The following PRSS3 variants were observed in gnomAD, a reference collection of about 807,000 sequenced individuals.
PRSS3 encodes the protein serine protease 3, also known as trypsin-3.
PRSS3 carries 14 observed loss-of-function variants against 20.8 expected under a neutral mutation model. The ratio of observed to expected loss-of-function variants is 0.67; its 90% confidence interval spans 0.44 to 1.05. The LOEUF (loss-of-function observed/expected upper bound fraction) is 1.05. Ranked by LOEUF, PRSS3 falls within the 50% of genes least tolerant of loss-of-function variation. The pLI is 0.00. For synonymous variants in PRSS3, 91 were observed against 117.6 expected, an observed-to-expected ratio of 0.77 and a Z score of 1.46; for missense variants, 237 against 306.4, an observed-to-expected ratio of 0.77 and a Z score of 1.69.
Position 33,752,976 on chromosome 9 carries a change from C to T in PRSS3, c.-53+2249C>T, listed in dbSNP as rs531820567. On this transcript the variant is annotated intron_variant, in intron 1 of 5. Transcript: ENST00000342836. ...TAGAGCACAAGGCGATGTTTGTAAA[C>T]AGCACTGTTCAGGCAAGATTAGAAT... Among the ~76,000 whole-genome samples, 7 of 152,294 alleles carry T rather than the reference C, an allele frequency of 4.6e-5. No homozygotes were observed. In the South Asian group the frequency reaches 1.0e-3, roughly 23 times the overall value.
intron 1 of PRSS3, among the ~76,000 whole-genome samples, chr9:33,790,406 G>A (rs897478387): frequency 1.3e-5 from 2 of 152,070 alleles, no homozygotes; most frequent in Non-Finnish European, 2.9e-5. Flanking sequence ...ATATCCATAG[G>A]CTAGATGACA....
chr9:33,786,548 A>G, intron 1 of PRSS3: 3 of 765,956 alleles, frequency 3.9e-6, no homozygotes, highest in South Asian at 1.3e-5. Flanking sequence ...CAGTGCTGTC[A>G]TCTCTCAAAA....
At chr9:33,794,975 G>A, upstream of PRSS3, 1 of 1,463,814 alleles carries the variant, frequency 6.8e-7, no homozygotes, top group Non-Finnish European at 9.1e-7. Context: ...AGAATCCTAT[G>A]GAATGCTAAG....
intron 1 of PRSS3, among the ~76,000 whole-genome samples, chr9:33,764,536 A>G (rs1318741425): frequency 2.6e-5 from 4 of 152,248 alleles, no homozygotes; most frequent in African/African-American, 9.6e-5. Context: ...AGTCTCAAAA[A>G]ATAAATAAAT....
At chr9:33,766,179 C>T (rs879735623) in intron 1 of PRSS3, among the ~76,000 whole-genome samples, 1 of 136,130 alleles carries the variant, frequency 7.3e-6, no homozygotes, top group East Asian at 2.3e-4. Flanking sequence ...GCAGGAGAAT[C>T]GCTTGAACCC....
chr9:33,772,364 G>A (rs2118916111), intron 1 of PRSS3, among the ~76,000 whole-genome samples: 1 of 152,146 alleles, frequency 6.6e-6, no homozygotes, highest in African/African-American at 2.4e-5. Context: ...CTTGGCTGTG[G>A]GGCCATCCTG....
At chr9:33,752,524 T>A (rs1328554742) in intron 1 of PRSS3, among the ~76,000 whole-genome samples, 3 of 152,236 alleles carry the variant, frequency 2.0e-5, no homozygotes, top group African/African-American at 4.8e-5. Context: ...ATTCCATATT[T>A]GTTTGTGTAG....
intron 1 of PRSS3, chr9:33,786,926 C>T (rs1824437143): frequency 1.7e-6 from 1 of 600,906 alleles, no homozygotes; most frequent in Admixed American, 2.9e-5. Context: ...CAAGGTGGGA[C>T]AGAAGAGGAA....
intron 1 of PRSS3, among the ~76,000 whole-genome samples, chr9:33,768,197 T>C (rs186994188): frequency 6.6e-6 from 1 of 152,272 alleles, no homozygotes; most frequent in East Asian, 1.9e-4. Context: ...ATGTGGACAT[T>C]AGCTGGGCGC....
chr9:33,763,937 G>C (rs1823314936), intron 1 of PRSS3, among the ~76,000 whole-genome samples: 1 of 152,126 alleles, frequency 6.6e-6, no homozygotes, highest in South Asian at 2.1e-4. Context: ...GGCTGAGTAA[G>C]AATCTTCCCT....
intron 1 of PRSS3, among the ~76,000 whole-genome samples, chr9:33,765,849 A>G (rs886172132): frequency 1.3e-5 from 2 of 152,240 alleles, no homozygotes; most frequent in African/African-American, 4.8e-5. Context: ...GAAAACATCT[A>G]TACACACAAA....
chr9:33,767,595 G>A (rs1326591840), intron 1 of PRSS3, among the ~76,000 whole-genome samples: 1 of 151,118 alleles, frequency 6.6e-6, no homozygotes, highest in Non-Finnish European at 1.5e-5. Context: ...AGGCCAAGGC[G>A]GGTGGATCAC....
At chr9:33,792,150 C>T (rs1022634251), upstream of PRSS3, among the ~76,000 whole-genome samples, 10 of 151,842 alleles carry the variant, frequency 6.6e-5, no homozygotes, top group Non-Finnish European at 1.2e-4. Context: ...GAAATTGTGC[C>T]GTGGGGGAGA....
intron 1 of PRSS3, among the ~76,000 whole-genome samples, chr9:33,754,532 C>A (rs865867665): frequency 6.6e-6 from 1 of 151,968 alleles, no homozygotes; most frequent in African/African-American, 2.4e-5. Context: ...GCCAATACAT[C>A]AAAGTAAGAA....
chr9:33,752,431 G>C (rs1166389126), intron 1 of PRSS3, among the ~76,000 whole-genome samples: 1 of 152,222 alleles, frequency 6.6e-6, no homozygotes, highest in Non-Finnish European at 1.5e-5. Context: ...CACTCCCCTA[G>C]CCAAAGTCCT....
intron 1 of PRSS3, among the ~76,000 whole-genome samples, chr9:33,777,069 A>G (rs1587384438): frequency 1.3e-5 from 2 of 152,316 alleles, no homozygotes; most frequent in African/African-American, 2.4e-5. Context: ...CATACATACC[A>G]GGAACAACAA....
intron 1 of PRSS3, among the ~76,000 whole-genome samples, chr9:33,778,251 A>C (rs1824028299): frequency 6.6e-6 from 1 of 152,192 alleles, no homozygotes; most frequent in Non-Finnish European, 1.5e-5. Context: ...TTAATGAGAG[A>C]AATATTAAAC....
intron 1 of PRSS3, among the ~76,000 whole-genome samples, chr9:33,758,436 G>A (rs926849974): frequency 6.6e-6 from 1 of 152,210 alleles, no homozygotes; most frequent in African/African-American, 2.4e-5. Flanking sequence ...CTGTAGATTA[G>A]TGTTTCTTAA....
At chr9:33,776,019 A>C (rs1052824038) in intron 1 of PRSS3, among the ~76,000 whole-genome samples, 2 of 152,218 alleles carry the variant, frequency 1.3e-5, no homozygotes, top group Non-Finnish European at 2.9e-5. Context: ...GAATTAAAGA[A>C]AACTGTTCAA....
Sources: gnomAD v4.1 joint callset for allele counts (sites outside exome capture counted in the v4.1 genomes callset) on GRCh38, gnomAD v4.1.1 for gene constraint, MANE v1.5 for transcripts, NCBI Gene and HGNC (gene_info 2026-07-23, HGNC 2026-07-21) for gene names.